Variants in DACH1 observed in about 807,000 individuals in gnomAD.
DACH1 encodes dachshund family transcription factor 1, also known as dachshund homolog 1.
In DACH1, 12 loss-of-function variants were observed where a neutral mutation model predicts 54.2. The observed-to-expected ratio is 0.22, with a 90% CI of 0.14 to 0.36. The LOEUF is 0.36. Among genes scored for constraint, DACH1 ranks in the 10% least tolerant of loss-of-function variants. DACH1 has a pLI of 1.00. For missense variants in DACH1, 805 were observed against 929.8 expected, an observed-to-expected ratio of 0.87 and a Z score of 1.75; for synonymous variants, 386 against 366.2, an observed-to-expected ratio of 1.05 and a Z score of -0.62.
chr13:71,466,845 C>CCAA (rs1876619876), intron 10 of DACH1, among the ~76,000 whole-genome samples: 1 of 99,450 alleles, frequency 1.0e-5, no homozygotes, highest in Admixed American at 1.2e-4. Flanking sequence ...CACCCTGTCT[C>CCAA]AAAAAAAAAA....
At chr13:71,653,211 G>A (rs943163174) in intron 2 of DACH1, among the ~76,000 whole-genome samples, 1 of 151,904 alleles carries the variant, frequency 6.6e-6, no homozygotes, top group Non-Finnish European at 1.5e-5. Context: ...AATAAACCCC[G>A]CCCCTAAATC....
intron 6 of DACH1, among the ~76,000 whole-genome samples, chr13:71,547,968 A>G (rs927050174): frequency 3.4e-4 from 51 of 152,190 alleles, no homozygotes; most frequent in African/African-American, 1.1e-3. Flanking sequence ...CATTTAATGC[A>G]AGATCACTCC....
intron 1 of DACH1, among the ~76,000 whole-genome samples, chr13:71,739,899 G>C (rs1454566462): frequency 6.6e-6 from 1 of 152,120 alleles, no homozygotes; most frequent in Non-Finnish European, 1.5e-5. Context: ...ACACTTTGAA[G>C]CTAATAACGT....
intron 3 of DACH1, among the ~76,000 whole-genome samples, chr13:71,584,743 A>T (rs1334406272): frequency 6.6e-6 from 1 of 152,086 alleles, no homozygotes; most frequent in East Asian, 1.9e-4. Flanking sequence ...TAAATTTTAG[A>T]TGAGAAATAA....
At chr13:71,608,687 C>T (rs976567716) in intron 3 of DACH1, among the ~76,000 whole-genome samples, 3 of 151,946 alleles carry the variant, frequency 2.0e-5, no homozygotes, top group African/African-American at 7.2e-5. Flanking sequence ...CTAAATTATT[C>T]TAGAATTAAT....
At chr13:71,445,102 C>T (rs1593703528) in intron 10 of DACH1, among the ~76,000 whole-genome samples, 2 of 152,186 alleles carry the variant, frequency 1.3e-5, no homozygotes, top group East Asian at 1.9e-4. Context: ...GAGGCAGCTG[C>T]CTCTTTCTGC....
At chr13:71,720,013 A>T (rs541089364) in intron 1 of DACH1, among the ~76,000 whole-genome samples, 6 of 152,352 alleles carry the variant, frequency 3.9e-5, no homozygotes, top group Non-Finnish European at 8.8e-5. Flanking sequence ...GTGAAGAAAG[A>T]CAACACATAA....
chr13:71,810,190 T>C (rs1024749883), intron 1 of DACH1, among the ~76,000 whole-genome samples: 21 of 152,156 alleles, frequency 1.4e-4, no homozygotes, highest in African/African-American at 5.1e-4. Context: ...GATAATTCAG[T>C]TTTTATCTAG....
intron 1 of DACH1, among the ~76,000 whole-genome samples, chr13:71,730,615 A>C (rs534553812): frequency 6.6e-6 from 1 of 152,320 alleles, no homozygotes; most frequent in Admixed American, 6.5e-5. Context: ...ACACACATAT[A>C]TGTATATGTG....
chr13:71,450,339 C>T (rs567374633), intron 10 of DACH1, among the ~76,000 whole-genome samples: 3 of 152,128 alleles, frequency 2.0e-5, no homozygotes, highest in Admixed American at 1.3e-4. Flanking sequence ...TTTTGGTGAT[C>T]TGTGATCAAT....
At chr13:71,485,296 A>T (rs1878391392) in intron 7 of DACH1, among the ~76,000 whole-genome samples, 1 of 151,540 alleles carries the variant, frequency 6.6e-6, no homozygotes, top group South Asian at 2.1e-4. Context: ...TCTAAAAATC[A>T]AAAACTGAAC....
intron 10 of DACH1, among the ~76,000 whole-genome samples, chr13:71,470,799 G>C (rs192261724): frequency 1.3e-5 from 2 of 152,192 alleles, no homozygotes; most frequent in Admixed American, 1.3e-4. Context: ...CTATGTGCCA[G>C]ATACTCTCTC....
At chr13:71,553,950 G>T (rs1884071170) in intron 6 of DACH1, among the ~76,000 whole-genome samples, 3 of 151,886 alleles carry the variant, frequency 2.0e-5, no homozygotes, top group Admixed American at 1.3e-4. Context: ...GTTTTCTAAA[G>T]AATTAATTGT....
intron 6 of DACH1, among the ~76,000 whole-genome samples, chr13:71,537,095 C>A (rs748274842): frequency 7.2e-5 from 11 of 152,088 alleles, no homozygotes; most frequent in Non-Finnish European, 1.6e-4. Flanking sequence ...TTCCCTACCT[C>A]CCTGAATTCA....
intron 6 of DACH1, among the ~76,000 whole-genome samples, chr13:71,505,274 G>A (rs2138242360): frequency 6.6e-6 from 1 of 152,126 alleles, no homozygotes; most frequent in African/African-American, 2.4e-5. Flanking sequence ...GTAGAGACAG[G>A]GTTTCCTCAT....
At chr13:71,814,883 T>G (rs1887849552) in intron 1 of DACH1, among the ~76,000 whole-genome samples, 1 of 152,216 alleles carries the variant, frequency 6.6e-6, no homozygotes, top group African/African-American at 2.4e-5. Context: ...GAGTTTGAAA[T>G]TCTGTACTAA....
chr13:71,660,828 AAG>A (rs1879437266), intron 2 of DACH1, among the ~76,000 whole-genome samples: 1 of 151,704 alleles, frequency 6.6e-6, no homozygotes, highest in Non-Finnish European at 1.5e-5. Context: ...CACTAATAAA[AAG>A]AGAGAAATCA....
chr13:71,567,500 C>G (rs1884961906), intron 4 of DACH1, among the ~76,000 whole-genome samples: 1 of 151,920 alleles, frequency 6.6e-6, no homozygotes, highest in African/African-American at 2.4e-5. Context: ...GACTATATTT[C>G]ACAGGCTTGA....
chr13:71,511,940 T>C (rs1259838558), intron 6 of DACH1, among the ~76,000 whole-genome samples: 1 of 151,986 alleles, frequency 6.6e-6, no homozygotes, highest in African/African-American at 2.4e-5. Context: ...GTCCTGCTTC[T>C]AGTAATTATA....
Sources: allele counts gnomAD v4.1 joint callset (sites outside exome capture counted in the v4.1 genomes callset), GRCh38; gene constraint gnomAD v4.1.1; transcripts MANE v1.5; gene names NCBI Gene and HGNC (gene_info 2026-07-23, HGNC 2026-07-21).